AK5: variants seen among roughly 807,000 people sequenced by gnomAD.
The protein encoded by AK5 is adenylate kinase 5.
AK5 carries 27 observed loss-of-function variants against 69.5 expected under a neutral mutation model. The observed-to-expected ratio is 0.39, with a 90% CI of 0.29 to 0.54. AK5 has a LOEUF of 0.54. AK5 is among the 20% of genes least tolerant of loss of function. The pLI, the probability that AK5 is intolerant of heterozygous loss-of-function variation, is 0.71. For synonymous variants in AK5, 260 were observed against 244.4 expected, an observed-to-expected ratio of 1.06 and a Z score of -0.60; for missense variants, 531 against 700.4, an observed-to-expected ratio of 0.76 and a Z score of 2.73.
intron 6 of AK5, among the ~76,000 whole-genome samples, chr1:77,346,728 G>A (rs1661935959): frequency 6.6e-6 from 1 of 152,084 alleles, no homozygotes; most frequent in Non-Finnish European, 1.5e-5. Context: ...GGACTCCTGA[G>A]CTAAAGCAAT....
At chr1:77,492,540 A>T (rs1343166361) in intron 10 of AK5, among the ~76,000 whole-genome samples, 1 of 152,222 alleles carries the variant, frequency 6.6e-6, no homozygotes, top group African/African-American at 2.4e-5. Context: ...TACATAGGAC[A>T]GAGAGAAACC....
chr1:77,512,434 C>G (rs535983939), intron 10 of AK5, among the ~76,000 whole-genome samples: 4 of 152,160 alleles, frequency 2.6e-5, no homozygotes, highest in African/African-American at 4.8e-5. Context: ...GTATAACCCC[C>G]CTTCATTGTA....
At position 77,535,978 on chromosome 1, in the gene AK5, C is replaced by A. The variant is rs574974908; in HGVS notation, c.1560C>A (p.Ala520=). 2.7e-5 allele frequency: 43 copies of A among 1,614,060 alleles called. 1 individual carries two copies. The South Asian group carries it at 4.4e-4, about 16-fold the overall frequency. Residue 520 remains alanine, a synonymous_variant, in exon 13 of 14, where the codon GCC becomes GCA. Coordinates refer to ENST00000354567, the MANE Select transcript of AK5 (RefSeq NM_174858.3). Reference sequence around the variant, plus strand: ...AGACCATCGCCAAGCGCCTAGAAGCCTACTACCGAGCGTCCATCCCCGTGA... The same window carrying A: ...AGACCATCGCCAAGCGCCTAGAAGCATACTACCGAGCGTCCATCCCCGTGA... ...TTKTIAKRLE[A]YYRASIPVIA... is the part of the protein sequence containing the mutation.
chr1:77,338,826 A>C (rs1009262921), intron 5 of AK5, among the ~76,000 whole-genome samples: 3 of 152,238 alleles, frequency 2.0e-5, no homozygotes, highest in African/African-American at 7.2e-5. Flanking sequence ...CATGAAACAT[A>C]CATGCTATGT....
Position 77,388,591 on chromosome 1 carries a change from T to G in AK5, c.892-22390T>G, listed in dbSNP as rs373675398. Among the ~76,000 whole-genome samples the G allele has an allele frequency of 4.3e-5, 6 of 139,076 alleles. No individual in the cohort carries two copies. In the East Asian group the frequency reaches 1.2e-3, roughly 29 times the overall value. The allele number at this position is 139,076 out of a possible 152,430, so 91.2% of individuals were successfully genotyped here. A position where few individuals can be genotyped will look rare whatever the true frequency, so the allele number is the denominator to read the frequency against. ...TTTTGTTGTTGTTGTTGTTGTTGTT[T>G]TTGCATTAAGCATTCCTCATGTATG... is the stretch of plus-strand genomic sequence containing the variant. On this transcript the variant is annotated intron_variant, in intron 6 of 13. Transcript: ENST00000354567.
At chr1:77,466,398 G>A (rs1327843687) in intron 8 of AK5, among the ~76,000 whole-genome samples, 1 of 152,110 alleles carries the variant, frequency 6.6e-6, no homozygotes. Context: ...CCTAATATCA[G>A]TTAGCTAGAC....
intron 7 of AK5, among the ~76,000 whole-genome samples, chr1:77,415,900 GC>G (rs1239757581): frequency 6.6e-6 from 1 of 152,152 alleles, no homozygotes; most frequent in African/African-American, 2.4e-5. Flanking sequence ...TAACTTCTCT[GC>G]ATCTCATTTT....
At chr1:77,400,804 G>A (rs1465296542) in intron 6 of AK5, among the ~76,000 whole-genome samples, 1 of 151,948 alleles carries the variant, frequency 6.6e-6, no homozygotes, top group African/African-American at 2.4e-5. Context: ...CTGTACAGAA[G>A]GCTTAGAAAA....
chr1:77,523,496 G>A (rs150399917), intron 12 of AK5, among the ~76,000 whole-genome samples: 24 of 152,220 alleles, frequency 1.6e-4, no homozygotes, highest in East Asian at 5.8e-4. Context: ...AATTGGGAGC[G>A]TTGTTCTACT....
chr1:77,400,549 A>C (rs999171404), intron 6 of AK5, among the ~76,000 whole-genome samples: 5 of 152,174 alleles, frequency 3.3e-5, no homozygotes, highest in Non-Finnish European at 7.3e-5. Context: ...AGATTCCAAA[A>C]AATATTCTCT....
chr1:77,513,250 C>A (rs1399357728), intron 10 of AK5, among the ~76,000 whole-genome samples: 3 of 152,128 alleles, frequency 2.0e-5, no homozygotes, highest in African/African-American at 7.2e-5. Context: ...GATTAATTAC[C>A]CTTCCCCTTC....
rs1369708151 is a variant in AK5, at chr1:77,352,119, T to G, written c.891+11551T>G. Among the ~76,000 whole-genome samples, 4 of 151,670 alleles carry G rather than the reference T, an allele frequency of 2.6e-5. No individual in the cohort carries two copies. In the East Asian group the frequency reaches 5.8e-4, roughly 22 times the overall value. ...TAATTTTTGTATTTTTAGTAGAGACTGGGTTTCACCATGTTGGCCAGGGTG... is the reference window on the plus strand; with the variant it reads ...TAATTTTTGTATTTTTAGTAGAGACGGGGTTTCACCATGTTGGCCAGGGTG... On this transcript the variant is annotated intron_variant, in intron 6 of 13. Transcript: ENST00000354567.
intron 6 of AK5, among the ~76,000 whole-genome samples, chr1:77,354,474 A>G (rs1247795549): frequency 2.6e-5 from 4 of 152,236 alleles, no homozygotes; most frequent in Non-Finnish European, 4.4e-5. Context: ...GATGCAGGCT[A>G]TTCTTTTCAG....
At chr1:77,448,198 G>A (rs535435165) in intron 8 of AK5, among the ~76,000 whole-genome samples, 1 of 152,280 alleles carries the variant, frequency 6.6e-6, no homozygotes, top group Admixed American at 6.5e-5. Flanking sequence ...ACCAGGGATG[G>A]CCTGAAGCAT....
At chr1:77,475,446 ATATATATACAAATATATATTATATATG>A in intron 8 of AK5, among the ~76,000 whole-genome samples, 1 of 17,146 alleles carries the variant, frequency 5.8e-5, no homozygotes, top group Middle Eastern at 0.016. Context: ...TATATATATT[ATATATATACAAATATATATTATATATG>A]TATATATATT....
chr1:77,431,826 G>A (rs767993246), intron 8 of AK5, among the ~76,000 whole-genome samples: 2 of 152,108 alleles, frequency 1.3e-5, no homozygotes, highest in Non-Finnish European at 2.9e-5. Context: ...CAAAGGTCTT[G>A]TAAGAAAAAA....
At chr1:77,460,003 A>T (rs1362916514) in intron 8 of AK5, among the ~76,000 whole-genome samples, 1 of 152,230 alleles carries the variant, frequency 6.6e-6, no homozygotes, top group Non-Finnish European at 1.5e-5. Context: ...TCTAGATCTT[A>T]TGGTCTTAAT....
chr1:77,534,479 A>G (rs1221567345), intron 12 of AK5, among the ~76,000 whole-genome samples: 1 of 152,230 alleles, frequency 6.6e-6, no homozygotes, highest in South Asian at 2.1e-4. Context: ...TCATAGAGGA[A>G]ATAAGCGTAA....
intron 10 of AK5, among the ~76,000 whole-genome samples, chr1:77,492,952 G>A (rs1038525954): frequency 6.6e-6 from 1 of 152,206 alleles, no homozygotes; most frequent in Non-Finnish European, 1.5e-5. Flanking sequence ...GACTATCAAG[G>A]TTATCAGAAA....
Sources: allele counts gnomAD v4.1 joint callset (sites outside exome capture counted in the v4.1 genomes callset), GRCh38; gene constraint gnomAD v4.1.1; transcripts MANE v1.5; gene names NCBI Gene and HGNC (gene_info 2026-07-23, HGNC 2026-07-21).